NRXN3: variants seen among roughly 807,000 people sequenced by gnomAD.
The protein encoded by NRXN3 is neurexin 3.
In NRXN3, 32 loss-of-function variants were observed where a neutral mutation model predicts 137.6. The ratio of observed to expected loss-of-function variants is 0.23; its 90% CI spans 0.18 to 0.31. NRXN3 has a LOEUF of 0.31. Among genes scored for constraint, NRXN3 ranks in the 10% least tolerant of loss-of-function variants. The pLI, the probability that NRXN3 is intolerant of heterozygous loss-of-function variation, is 1.00. For missense variants in NRXN3, 1,574 were observed against 2,062.5 expected, an observed-to-expected ratio of 0.76 and a Z score of 4.59; for synonymous variants, 798 against 784.5, an observed-to-expected ratio of 1.02 and a Z score of -0.29.
chr14:79,318,588 G>T (rs2089382098), intron 15 of NRXN3, among the ~76,000 whole-genome samples: 1 of 152,174 alleles, frequency 6.6e-6, no homozygotes. Flanking sequence ...TCCAGCTGTT[G>T]TCATGTTTCA....
chr14:78,948,888 G>A (rs1422237643), intron 10 of NRXN3, among the ~76,000 whole-genome samples: 9 of 152,078 alleles, frequency 5.9e-5, no homozygotes, highest in Non-Finnish European at 1.2e-4. Context: ...ACAAACCAGA[G>A]AGGAAGGATT....
At chr14:79,537,111 A>C (rs771241927) in intron 16 of NRXN3, among the ~76,000 whole-genome samples, 1 of 152,090 alleles carries the variant, frequency 6.6e-6, no homozygotes, top group African/African-American at 2.4e-5. Flanking sequence ...CCACAGCCTC[A>C]CTAGCATCTG....
At chr14:78,198,121 G>C (rs970883173) in intron 1 of NRXN3, among the ~76,000 whole-genome samples, 1 of 152,202 alleles carries the variant, frequency 6.6e-6, no homozygotes, top group African/African-American at 2.4e-5. Flanking sequence ...GCTCTGGGTG[G>C]GGAAATGCTC....
At chr14:78,725,251 A>C (rs935404323) in intron 8 of NRXN3, among the ~76,000 whole-genome samples, 1 of 152,184 alleles carries the variant, frequency 6.6e-6, no homozygotes, top group Admixed American at 6.5e-5. Context: ...TACTGTTTTC[A>C]TTCAGTCACC....
At chr14:78,239,058 TG>T (rs1230442671) in intron 1 of NRXN3, among the ~76,000 whole-genome samples, 1 of 152,170 alleles carries the variant, frequency 6.6e-6, no homozygotes, top group Non-Finnish European at 1.5e-5. Flanking sequence ...TTGTGTAAAG[TG>T]GGGTTGTGTG....
At chr14:78,853,783 T>C (rs1180890492) in intron 10 of NRXN3, among the ~76,000 whole-genome samples, 1 of 152,170 alleles carries the variant, frequency 6.6e-6, no homozygotes, top group Non-Finnish European at 1.5e-5. Flanking sequence ...CTCACTGCCC[T>C]GACTTCTACC....
intron 20 of NRXN3, among the ~76,000 whole-genome samples, chr14:79,859,725 CA>C (rs1175950937): frequency 3.3e-5 from 5 of 152,136 alleles, no homozygotes; most frequent in Non-Finnish European, 7.3e-5. Flanking sequence ...GTGTAAGAGA[CA>C]CACGTACGTG....
At chr14:79,724,430 C>G (rs986472849) in intron 19 of NRXN3, among the ~76,000 whole-genome samples, 2 of 152,116 alleles carry the variant, frequency 1.3e-5, no homozygotes, top group Admixed American at 1.3e-4. Flanking sequence ...TTTTTCACCC[C>G]TCTTCTCTCC....
intron 19 of NRXN3, among the ~76,000 whole-genome samples, chr14:79,782,840 C>T (rs1458285313): frequency 1.3e-5 from 2 of 152,084 alleles, no homozygotes; most frequent in African/African-American, 4.8e-5. Flanking sequence ...TTTATTCCCC[C>T]CTACATTATG....
intron 4 of NRXN3, among the ~76,000 whole-genome samples, chr14:78,434,730 A>G (rs1274480225): frequency 1.3e-5 from 2 of 152,196 alleles, no homozygotes; most frequent in African/African-American, 4.8e-5. Flanking sequence ...AATAAAAAGA[A>G]TACTGCTGAC....
At chr14:78,275,665 C>A (rs1395078720) in intron 2 of NRXN3, among the ~76,000 whole-genome samples, 1 of 152,180 alleles carries the variant, frequency 6.6e-6, no homozygotes, top group Admixed American at 6.5e-5. Flanking sequence ...GGTCATAGGT[C>A]TGTTCCTGAG....
intron 15 of NRXN3, among the ~76,000 whole-genome samples, chr14:79,222,910 T>G (rs2070061145): frequency 1.3e-5 from 2 of 152,170 alleles, no homozygotes; most frequent in African/African-American, 2.4e-5. Flanking sequence ...TAACATATTT[T>G]GGATAACAGT....
In NRXN3 at chr14:78,643,880, C is replaced by T. The variant is rs539604832; in HGVS notation, c.758-1240C>T. Reference sequence around the variant, plus strand: ...ATCAAGGGCTGGGTGCAGTGGCTCACGCCTGTAATCCTAACACTTTGGGAG... The same window carrying T: ...ATCAAGGGCTGGGTGCAGTGGCTCATGCCTGTAATCCTAACACTTTGGGAG... On this transcript the variant is annotated intron_variant, in intron 4 of 20. Transcript: ENST00000335750. 5.9e-5 allele frequency among the ~76,000 whole-genome samples: 9 copies of T among 152,296 alleles called. No homozygotes were observed. The East Asian group carries it at 7.7e-4, about 13-fold the overall frequency.
chr14:79,811,606 G>C (rs190622997), intron 20 of NRXN3, among the ~76,000 whole-genome samples: 1 of 132,512 alleles, frequency 7.5e-6, no homozygotes, highest in Non-Finnish European at 1.6e-5. Context: ...TTTTGAGATG[G>C]AGTGTCACTC....
chr14:78,341,307 G>A (rs1173461201), intron 4 of NRXN3, among the ~76,000 whole-genome samples: 1 of 152,138 alleles, frequency 6.6e-6, no homozygotes, highest in Non-Finnish European at 1.5e-5. Flanking sequence ...TGGTTTAGAA[G>A]TTTGGGGTAG....
chr14:79,585,683 T>TA (rs1264605001), intron 16 of NRXN3, among the ~76,000 whole-genome samples: 7,916 of 75,128 alleles, frequency 0.11, 705 homozygotes, highest in East Asian at 0.21. Flanking sequence ...GACTCCATCT[T>TA]AAAAAAAAAA....
intron 4 of NRXN3, among the ~76,000 whole-genome samples, chr14:78,612,206 C>G (rs2097306338): frequency 6.6e-6 from 1 of 152,196 alleles, no homozygotes. Context: ...ATTGTCATAG[C>G]ACCCTCATCT....
chr14:79,114,486 A>T (rs1203983979), intron 15 of NRXN3, among the ~76,000 whole-genome samples: 2 of 152,112 alleles, frequency 1.3e-5, no homozygotes, highest in Admixed American at 6.5e-5. Context: ...ATGTTTATGT[A>T]CTCAGCATAT....
chr14:78,997,886 A>C (rs1031705887), intron 15 of NRXN3, among the ~76,000 whole-genome samples: 1 of 152,170 alleles, frequency 6.6e-6, no homozygotes, highest in South Asian at 2.1e-4. Flanking sequence ...TATAAATGGA[A>C]TCATACAATA....
Sources: gnomAD v4.1 joint callset for allele counts (sites outside exome capture counted in the v4.1 genomes callset) on GRCh38, gnomAD v4.1.1 for gene constraint, MANE v1.5 for transcripts, NCBI Gene and HGNC (gene_info 2026-07-23, HGNC 2026-07-21) for gene names.